Variants in CDH12 observed in about 807,000 individuals in gnomAD.
CDH12 encodes cadherin-12.
A neutral mutation model predicts 74.1 loss-of-function variants in CDH12; 41 were observed. The observed-to-expected ratio is 0.55, with a 90% CI of 0.43 to 0.72. The LOEUF (loss-of-function observed/expected upper bound fraction) is 0.72. CDH12 is among the 30% of genes least tolerant of loss of function. CDH12 has a pLI of 0.00. For missense variants in CDH12, 945 were observed against 977.2 expected (o/e 0.97, Z 0.44); for synonymous variants, 399 against 355.0 (o/e 1.12, Z -1.39).
intron 6 of CDH12, among the ~76,000 whole-genome samples, chr5:21,880,612 CTTCCTTCTTTCTTTCT>C (rs1382445716): frequency 6.4e-4 from 45 of 69,884 alleles, no homozygotes; most frequent in Middle Eastern, 7.8e-3. Flanking sequence ...TCCTTCCTTC[CTTCCTTCTTTCTTTCT>C]TTCTTTCTTT....
intron 6 of CDH12, among the ~76,000 whole-genome samples, chr5:21,899,443 A>G (rs1044018822): frequency 7.9e-5 from 12 of 152,222 alleles, no homozygotes; most frequent in South Asian, 2.1e-4. Flanking sequence ...CTAGTTGAGG[A>G]GTTTGCTAGG....
chr5:22,734,590 C>A lies in CDH12; in HGVS notation c.-523+118468G>T, dbSNP rs544689802. On this transcript the variant is annotated intron_variant, in intron 1 of 14. Coordinates refer to ENST00000382254, the MANE Select transcript of CDH12 (RefSeq NM_004061.5). ...TTAAAGACTTATTTTTGAAACTCTA[C>A]AGCATACTTTATACCCAACTTCTTC... Among the ~76,000 whole-genome samples, 5 of 152,020 alleles carry A rather than the reference C, an allele frequency of 3.3e-5. 1 individual carries two copies. In the South Asian group the frequency reaches 6.2e-4, roughly 19 times the overall value.
intron 1 of CDH12, among the ~76,000 whole-genome samples, chr5:22,700,648 T>C (rs139094733): frequency 1.3e-5 from 2 of 152,288 alleles, no homozygotes; most frequent in East Asian, 1.9e-4. Context: ...GAAGAATTGC[T>C]ACACTGGTTG....
At position 22,542,585 on chromosome 5, in the gene CDH12, T is replaced by C. The variant is rs867357577; in HGVS notation, c.-522-37221A>G. Among the ~76,000 whole-genome samples, 6 of 152,304 alleles carry C rather than the reference T, an allele frequency of 3.9e-5. No individual in the cohort carries two copies. The South Asian group carries it at 8.3e-4, about 21-fold the overall frequency. ...GTGGACTTCCTTAAGAGTAGCACTT[T>C]GACTTAATTACACTGACAGTTCGTG... On this transcript the variant is annotated intron_variant, in intron 1 of 14. Transcript: ENST00000382254.
chr5:22,586,448 T>G (rs1273615201), intron 1 of CDH12, among the ~76,000 whole-genome samples: 2 of 151,156 alleles, frequency 1.3e-5, no homozygotes, highest in Admixed American at 1.3e-4. Context: ...GTAACTAACC[T>G]GCACATTGTG....
chr5:21,945,137 T>C lies in CDH12; in HGVS notation c.526+29954A>G, dbSNP rs562394323. Among the ~76,000 whole-genome samples, 4 of 151,182 alleles carry C rather than the reference T, an allele frequency of 2.6e-5. No individual in the cohort carries two copies. In the South Asian group the frequency reaches 8.4e-4, roughly 32 times the overall value. Reference sequence around the variant, plus strand: ...GACACCAACACAGACATGAAAAAGGTGTTGGGGCTGGGCGCAGTGGCTCAC... The same window carrying C: ...GACACCAACACAGACATGAAAAAGGCGTTGGGGCTGGGCGCAGTGGCTCAC... On this transcript the variant is annotated intron_variant, in intron 6 of 14. Transcript: ENST00000382254.
chr5:22,688,136 G>A (rs2126939124), intron 1 of CDH12, among the ~76,000 whole-genome samples: 1 of 152,158 alleles, frequency 6.6e-6, no homozygotes, highest in Admixed American at 6.5e-5. Flanking sequence ...TTGTGTGCGA[G>A]TAACAACTGG....
intron 1 of CDH12, among the ~76,000 whole-genome samples, chr5:22,816,978 T>TTACTA (rs1229982759): frequency 6.6e-6 from 1 of 152,156 alleles, no homozygotes; most frequent in African/African-American, 2.4e-5. Flanking sequence ...CTTCTCAACA[T>TTACTA]TACTACTTAG....
At chr5:22,040,905 C>A (rs1739527249) in intron 5 of CDH12, among the ~76,000 whole-genome samples, 1 of 151,918 alleles carries the variant, frequency 6.6e-6, no homozygotes, top group Non-Finnish European at 1.5e-5. Context: ...ATTGAGAATA[C>A]CCCAAGGCTG....
intron 5 of CDH12, among the ~76,000 whole-genome samples, chr5:22,066,712 C>A (rs1315601685): frequency 2.0e-5 from 3 of 152,154 alleles, no homozygotes; most frequent in Non-Finnish European, 4.4e-5. Context: ...AATAATAAAG[C>A]CAAGCAACAT....
At chr5:22,153,848 ATG>A (rs202179631) in intron 4 of CDH12, among the ~76,000 whole-genome samples, 2 of 130,934 alleles carry the variant, frequency 1.5e-5, no homozygotes, top group African/African-American at 5.9e-5. Flanking sequence ...ATATACATAT[ATG>A]TGTGTGTGTA....
chr5:22,050,411 G>A (rs374274559), intron 5 of CDH12, among the ~76,000 whole-genome samples: 7 of 152,020 alleles, frequency 4.6e-5, no homozygotes, highest in African/African-American at 1.4e-4. Flanking sequence ...GCTTCTTATC[G>A]TATTTCCAAT....
intron 5 of CDH12, among the ~76,000 whole-genome samples, chr5:22,040,698 T>C (rs1312293459): frequency 6.6e-6 from 1 of 152,158 alleles, no homozygotes; most frequent in Non-Finnish European, 1.5e-5. Context: ...AAGAATTCTA[T>C]AGCTACCAAA....
chr5:22,806,821 T>C (rs1275688755), intron 1 of CDH12, among the ~76,000 whole-genome samples: 1 of 152,076 alleles, frequency 6.6e-6, no homozygotes, highest in Non-Finnish European at 1.5e-5. Context: ...TTTGATGGGG[T>C]TGTTTTTTTC....
At chr5:21,988,217 C>T (rs533261873) in intron 5 of CDH12, among the ~76,000 whole-genome samples, 8 of 152,198 alleles carry the variant, frequency 5.3e-5, no homozygotes, top group East Asian at 1.9e-4. Context: ...GCCTGCCTGG[C>T]GTTGCGGCTC....
At chr5:22,811,612 T>G (rs921982018) in intron 1 of CDH12, among the ~76,000 whole-genome samples, 1 of 152,182 alleles carries the variant, frequency 6.6e-6, no homozygotes, top group African/African-American at 2.4e-5. Context: ...GAAAATGCTT[T>G]CACTGTATTT....
At chr5:22,364,792 G>T (rs1740961606) in intron 3 of CDH12, among the ~76,000 whole-genome samples, 1 of 152,190 alleles carries the variant, frequency 6.6e-6, no homozygotes, top group African/African-American at 2.4e-5. Flanking sequence ...TCTGTGATCA[G>T]ATGGCTCCTT....
intron 8 of CDH12, among the ~76,000 whole-genome samples, chr5:21,817,349 C>A (rs1256353737): frequency 6.6e-6 from 1 of 151,968 alleles, no homozygotes; most frequent in Non-Finnish European, 1.5e-5. Flanking sequence ...TTTAACTGGG[C>A]ATTATAAATA....
intron 1 of CDH12, among the ~76,000 whole-genome samples, chr5:22,703,834 A>G (rs1017285709): frequency 6.6e-6 from 1 of 152,172 alleles, no homozygotes; most frequent in Non-Finnish European, 1.5e-5. Context: ...TTCATCCTAA[A>G]TGTCTCTACT....
Sources: allele counts gnomAD v4.1 joint callset (sites outside exome capture counted in the v4.1 genomes callset), GRCh38; gene constraint gnomAD v4.1.1; transcripts MANE v1.5; gene names NCBI Gene and HGNC (gene_info 2026-07-23, HGNC 2026-07-21).